Variants in CPLANE1 observed in about 807,000 individuals in gnomAD.
CPLANE1 encodes the protein ciliogenesis and planar polarity effector complex subunit 1, also known as ciliogenesis and planar polarity effector 1.
CPLANE1 carries 263 observed loss-of-function variants against 362.5 expected under a neutral mutation model. The ratio of observed to expected loss-of-function variants is 0.73; its 90% confidence interval spans 0.66 to 0.80. The LOEUF is 0.80. Ranked by LOEUF, CPLANE1 falls within the 30% of genes least tolerant of loss-of-function variation. The probability of loss-of-function intolerance (pLI) is 0.00; values close to 1 mark genes in which losing one functional copy is unlikely to be tolerated. For synonymous variants in CPLANE1, 1,212 were observed against 1,302.6 expected, an observed-to-expected ratio of 0.93 and a Z score of 1.50; for missense variants, 3,461 against 3,793.4, an observed-to-expected ratio of 0.91 and a Z score of 2.30.
At chr5:37,152,922 C>T (rs1012061054) in intron 42 of CPLANE1, among the ~76,000 whole-genome samples, 8 of 151,906 alleles carry the variant, frequency 5.3e-5, no homozygotes, top group Non-Finnish European at 1.2e-4. Flanking sequence ...TGAAAAATTT[C>T]TAAGGAACTG....
In CPLANE1 at chr5:37,125,514, TC is replaced by T. The variant is rs144861906; in HGVS notation, c.8793-106del. On this transcript the variant is annotated intron_variant, in intron 46 of 52. Transcript: ENST00000651892. ...TATCCGGAAATATTTTGCCCCATCT[TC>T]AAAAGTAGTATATACTTATGTTCTC... 40 of 1,056,806 alleles carry T rather than the reference TC, an allele frequency of 3.8e-5. No homozygotes were observed. In the East Asian group the frequency reaches 7.6e-4, roughly 20 times the overall value. The allele number at this position is 1,056,806 out of a possible 1,614,324, so 65.5% of individuals were successfully genotyped here.
In CPLANE1 at chr5:37,124,933, G is replaced by GA. The variant is rs1211852934; in HGVS notation, c.8958+310dup. On this transcript the variant is annotated intron_variant, in intron 47 of 52. Coordinates refer to ENST00000651892, the MANE Select transcript of CPLANE1 (RefSeq NM_001384732.1). Reference sequence around the variant, plus strand: ...GTCGCAACTGCCAATGACTCTCATTGAAAATTAAAGGAAGAACTCCAATTG... The same window carrying GA: ...GTCGCAACTGCCAATGACTCTCATTGAAAAATTAAAGGAAGAACTCCAATTG... 22 of 1,089,094 alleles carry GA rather than the reference G, an allele frequency of 2.0e-5. No individual in the cohort carries two copies. In the Admixed American group the frequency reaches 1.1e-3, roughly 57 times the overall value. 67.5% of individuals were successfully genotyped at this position (1,089,094 alleles called of 1,614,324 possible).
At chr5:37,085,972 G>T in the CPLANE1 span, 1 of 597,650 alleles carries the variant, frequency 1.7e-6, no homozygotes, top group Non-Finnish European at 2.9e-6. Context: ...ATTATATAAT[G>T]ATAAAAGGAC....
chr5:37,137,323 G>A (rs1047756063), intron 46 of CPLANE1, among the ~76,000 whole-genome samples: 3 of 152,128 alleles, frequency 2.0e-5, no homozygotes, highest in African/African-American at 7.2e-5. Context: ...CAGCCTGGAC[G>A]TTATTGTCCA....
In CPLANE1 at chr5:37,138,827, C is replaced by G; in HGVS notation, c.8685G>C (p.Gln2895His). The G allele has an allele frequency of 6.2e-7, 1 of 1,610,936 alleles. No homozygotes were observed. The highest frequency in any genetic ancestry group is 8.5e-7 in the Non-Finnish European group (1 of 1,179,070). ...CTGCAATATCAGTCAATCCAGTCAT[C>G]TGGAGCGGATGTACTGAAACACTTC... Reference protein sequence around the residue: ...LCESVSVHPLQMTGLTDIADI... With the variant: ...LCESVSVHPLHMTGLTDIADI... Residue 2895 changes from glutamine (Q) to histidine (H), a missense_variant, in exon 46 of 53, where the codon CAG (glutamine) becomes CAC (histidine). Physicochemically the swap from Gln to His is conservative, Grantham distance 24. Transcript: ENST00000651892.
At chr5:37,208,973 C>T (rs1791772985) in intron 16 of CPLANE1, among the ~76,000 whole-genome samples, 1 of 151,888 alleles carries the variant, frequency 6.6e-6, no homozygotes, top group Non-Finnish European at 1.5e-5. Context: ...AAAACATGCG[C>T]ATGCGCCGTA....
At chr5:37,079,600 T>A in the CPLANE1 span, among the ~76,000 whole-genome samples, 44 of 152,272 alleles carry the variant, frequency 2.9e-4, no homozygotes, top group Admixed American at 2.7e-3. Context: ...TACCTAAAAG[T>A]CTTTTTTCCT....
At position 37,158,364 on chromosome 5, in the gene CPLANE1, A is replaced by G; in HGVS notation, c.7691-19T>C. 1 of 1,603,414 alleles carries G rather than the reference A, an allele frequency of 6.2e-7. No homozygotes were observed. Among genetic ancestry groups the G allele is most frequent in the Non-Finnish European group, 8.5e-7 (1 of 1,174,236 alleles). On this transcript the variant is annotated intron_variant, in intron 38 of 52. Transcript: ENST00000651892. ...TCATGTTCTGAAAATTAAAAAAGAA[A>G]TAATCAGGAACATTCAAAAAAAGGC...
intron 16 of CPLANE1, chr5:37,210,526 C>G (rs1283237780): frequency 7.1e-7 from 1 of 1,412,950 alleles, no homozygotes; most frequent in Non-Finnish European, 9.9e-7. Context: ...GAGCTCATAG[C>G]TTTTAATTCA....
At chr5:37,077,606 C>CTTTTTT in the CPLANE1 span, among the ~76,000 whole-genome samples, 7 of 75,902 alleles carry the variant, frequency 9.2e-5, no homozygotes, top group Non-Finnish European at 1.6e-4. Flanking sequence ...GTGTGTGTGT[C>CTTTTTT]TTTTTTTTTT....
chr5:37,135,146 T>C (rs1278349999), intron 46 of CPLANE1, among the ~76,000 whole-genome samples: 1 of 152,210 alleles, frequency 6.6e-6, no homozygotes, highest in Non-Finnish European at 1.5e-5. Context: ...TTTTGGTATG[T>C]TGTGTCTTCG....
At chr5:37,203,676 C>T (rs1789868396) in intron 18 of CPLANE1, among the ~76,000 whole-genome samples, 1 of 152,124 alleles carries the variant, frequency 6.6e-6, no homozygotes, top group Non-Finnish European at 1.5e-5. Context: ...TACCATCATG[C>T]CTGGATAATT....
At chr5:37,170,483 ATT>A (rs569232515) in intron 32 of CPLANE1, 152 bp from the exon 33 acceptor site, 1,540 of 622,702 alleles carry the variant, frequency 2.5e-3, no homozygotes, top group Middle Eastern at 6.5e-3. Flanking sequence ...AGTCAGGGAA[ATT>A]TTTTTTTTTT....
chr5:37,139,491 T>C, intron 44 of CPLANE1, 121 bp from the exon 45 acceptor site: 2 of 1,066,546 alleles, frequency 1.9e-6, no homozygotes, highest in Non-Finnish European at 2.5e-6. Context: ...TCCAAATTGG[T>C]TTATAGATAT....
At chr5:37,101,780 T>C (rs1169161631), downstream of CPLANE1, among the ~76,000 whole-genome samples, 1 of 152,148 alleles carries the variant, frequency 6.6e-6, no homozygotes, top group Non-Finnish European at 1.5e-5. Context: ...ATTTCAGAAA[T>C]TGTTCTTGAT....
At chr5:37,077,572 C>T in the CPLANE1 span, among the ~76,000 whole-genome samples, 40 of 145,974 alleles carry the variant, frequency 2.7e-4, no homozygotes, top group Non-Finnish European at 4.7e-4. Flanking sequence ...TTTATGAATA[C>T]ACTATATCAA....
Position 37,173,807 on chromosome 5 carries a change from C to T in CPLANE1, c.6119G>A (p.Cys2040Tyr), listed in dbSNP as rs1780437107. The change falls in exon 32 of 53, where the codon TGT becomes TAT. Residue 2040 changes from cysteine (C) to tyrosine (Y), a missense_variant. Cys to Tyr is a radical substitution (Grantham distance 194, BLOSUM62 -2). Around this residue, in one of 2 missense-constraint regions of CPLANE1, gnomAD observed 3,380 missense variants for 3,666.1 expected, o/e 0.92. Coordinates refer to ENST00000651892, the MANE Select transcript of CPLANE1 (RefSeq NM_001384732.1). The stretch of plus-strand genomic sequence containing the variant: ...CAGCATCTGCCTAACGGACTCCGAA[C>T]AATCTGGTAACTGAGCCGTGAATTC... ...RNEFTAQLPD[C>Y]SESVRQMLQD... 3 of 1,614,000 alleles carry T rather than the reference C, an allele frequency of 1.9e-6. No homozygotes were observed. The highest frequency in any genetic ancestry group is 2.2e-5 in the East Asian group (1 of 44,886).
chr5:37,107,774 A>G lies in CPLANE1; in HGVS notation c.9584T>C (p.Leu3195Ser), dbSNP rs780408914. The change falls in exon 53 of 53, where the codon TTG becomes TCG. Residue 3195 changes from leucine (L) to serine (S), a missense_variant. Physicochemically the swap from Leu to Ser is moderately radical, Grantham distance 145. Transcript: ENST00000651892. Reference protein sequence around the residue: ...HESHNSLLQDLSPTEEEEPEH... With the variant: ...HESHNSLLQDSSPTEEEEPEH... Reference sequence around the variant, plus strand: ...TGGCTCTTCCTCTTCAGTTGGAGACAAGTCCTATTAAATTGAAAAGACAAT... The same window carrying G: ...TGGCTCTTCCTCTTCAGTTGGAGACGAGTCCTATTAAATTGAAAAGACAAT... 4 of 1,599,806 alleles carry G rather than the reference A, an allele frequency of 2.5e-6. No homozygotes were observed. Among genetic ancestry groups the G allele is most frequent in the Non-Finnish European group, 3.4e-6 (4 of 1,171,990 alleles).
chr5:37,128,407 C>T (rs1376880035), intron 46 of CPLANE1, among the ~76,000 whole-genome samples: 4 of 152,298 alleles, frequency 2.6e-5, no homozygotes, highest in Admixed American at 6.5e-5. Flanking sequence ...TCTTAAAGCC[C>T]TGTGCTGCGT....
Sources: allele counts gnomAD v4.1 joint callset (sites outside exome capture counted in the v4.1 genomes callset), GRCh38; gene constraint gnomAD v4.1.1; regional missense constraint gnomAD v4.1.1; transcripts MANE v1.5; gene names NCBI Gene and HGNC (gene_info 2026-07-23, HGNC 2026-07-21).